HS6ST3: variants seen among roughly 807,000 people sequenced by gnomAD.
The protein encoded by HS6ST3 is heparan sulfate 6-O-sulfotransferase 3, also known as heparan-sulfate 6-O-sulfotransferase 3.
In HS6ST3, 12 loss-of-function variants were observed where a neutral mutation model predicts 36.7. The observed-to-expected ratio is 0.33, with a 90% CI of 0.21 to 0.53. HS6ST3 has a LOEUF of 0.53. Among genes scored for constraint, HS6ST3 ranks in the 20% least tolerant of loss-of-function variants. HS6ST3 has a pLI of 0.95. For missense variants in HS6ST3, 584 were observed against 640.9 expected (o/e 0.91, Z 0.96); for synonymous variants, 240 against 257.5 (o/e 0.93, Z 0.65).
At chr13:96,782,824 A>G (rs962345365) in intron 1 of HS6ST3, among the ~76,000 whole-genome samples, 1 of 152,138 alleles carries the variant, frequency 6.6e-6, no homozygotes, top group Non-Finnish European at 1.5e-5. Flanking sequence ...AAAATCACTC[A>G]TTCTGAGTAG....
At position 96,499,721 on chromosome 13, in the gene HS6ST3, C is replaced by T. The variant is rs566911138; in HGVS notation, c.708-332769C>T. Among the ~76,000 whole-genome samples, 14 of 152,106 alleles carry T rather than the reference C, an allele frequency of 9.2e-5. 2 individuals carry two copies. The South Asian group carries it at 2.9e-3, about 32-fold the overall frequency. ...GTGGCATGAGCGTGTGTGACCTGTGCAATGAGGCCCAGGAGGCCAGTGTGG... is the reference window on the plus strand; with the variant it reads ...GTGGCATGAGCGTGTGTGACCTGTGTAATGAGGCCCAGGAGGCCAGTGTGG... On this transcript the variant is annotated intron_variant, in intron 1 of 1. Transcript: ENST00000376705.
intron 1 of HS6ST3, among the ~76,000 whole-genome samples, chr13:96,113,365 A>C (rs535812): frequency 0.29 from 43,363 of 151,964 alleles, 7,160 homozygotes; most frequent in Non-Finnish European, 0.37. Context: ...CCTGCCCCCC[A>C]TTAACAGATT....
chr13:96,206,077 C>T (rs1331621075), intron 1 of HS6ST3, among the ~76,000 whole-genome samples: 1 of 152,066 alleles, frequency 6.6e-6, no homozygotes, highest in Non-Finnish European at 1.5e-5. Flanking sequence ...TCATCTCAGC[C>T]CAAAAGCTTC....
chr13:96,682,129 C>A (rs982633403), intron 1 of HS6ST3, among the ~76,000 whole-genome samples: 1 of 152,050 alleles, frequency 6.6e-6, no homozygotes, highest in African/African-American at 2.4e-5. Flanking sequence ...TTTCTTCTCT[C>A]AAATATTAAC....
intron 1 of HS6ST3, among the ~76,000 whole-genome samples, chr13:96,707,642 G>C (rs968991096): frequency 6.6e-6 from 1 of 152,192 alleles, no homozygotes; most frequent in East Asian, 1.9e-4. Context: ...TGCATATTGA[G>C]TGTGCTTCCT....
At chr13:96,337,354 C>T (rs556452563) in intron 1 of HS6ST3, among the ~76,000 whole-genome samples, 1 of 152,194 alleles carries the variant, frequency 6.6e-6, no homozygotes, top group African/African-American at 2.4e-5. Flanking sequence ...GGATTACAGG[C>T]GTGAGCCACC....
chr13:96,383,547 CACACCTGGTG>C (rs961195305), intron 1 of HS6ST3, among the ~76,000 whole-genome samples: 1 of 152,136 alleles, frequency 6.6e-6, no homozygotes, highest in Admixed American at 6.5e-5. Context: ...AACAATGAAC[CACACCTGGTG>C]ACAGAAGCTG....
At chr13:96,293,517 A>G (rs2054840156) in intron 1 of HS6ST3, among the ~76,000 whole-genome samples, 1 of 152,154 alleles carries the variant, frequency 6.6e-6, no homozygotes, top group African/African-American at 2.4e-5. Flanking sequence ...TTGTATGTAC[A>G]TAAACTCACA....
At chr13:96,585,318 A>G (rs1265320704) in intron 1 of HS6ST3, among the ~76,000 whole-genome samples, 5 of 152,328 alleles carry the variant, frequency 3.3e-5, no homozygotes, top group East Asian at 1.9e-4. Flanking sequence ...TTCACAAATC[A>G]TAAGTATGCA....
chr13:96,303,880 C>T (rs182642954), intron 1 of HS6ST3, among the ~76,000 whole-genome samples: 20 of 152,176 alleles, frequency 1.3e-4, no homozygotes, highest in African/African-American at 2.4e-5. Flanking sequence ...CAGTGGCTCA[C>T]GCCTGTAATC....
At chr13:96,549,767 C>T (rs1241841438) in intron 1 of HS6ST3, among the ~76,000 whole-genome samples, 1 of 152,038 alleles carries the variant, frequency 6.6e-6, no homozygotes, top group East Asian at 1.9e-4. Context: ...TTTGAGCTTG[C>T]CATATTTCCA....
intron 1 of HS6ST3, among the ~76,000 whole-genome samples, chr13:96,405,452 C>G (rs535991102): frequency 6.6e-6 from 1 of 152,240 alleles, no homozygotes; most frequent in South Asian, 2.1e-4. Flanking sequence ...AGGTCCTTAT[C>G]TGTTCATTTT....
intron 1 of HS6ST3, among the ~76,000 whole-genome samples, chr13:96,484,681 C>G (rs2055905619): frequency 6.6e-6 from 1 of 152,092 alleles, no homozygotes; most frequent in South Asian, 2.1e-4. Flanking sequence ...GCAGGATTTC[C>G]TTTTTCTTAA....
chr13:96,154,242 T>G (rs1224254899), intron 1 of HS6ST3, among the ~76,000 whole-genome samples: 2 of 152,080 alleles, frequency 1.3e-5, no homozygotes, highest in Non-Finnish European at 2.9e-5. Flanking sequence ...ATTGAACTGT[T>G]TCAACAGTGC....
At chr13:96,266,506 T>G (rs1594737497) in intron 1 of HS6ST3, among the ~76,000 whole-genome samples, 1 of 152,172 alleles carries the variant, frequency 6.6e-6, no homozygotes, top group East Asian at 1.9e-4. Context: ...AAGTAAAATT[T>G]TACATTATTC....
chr13:96,681,153 T>C (rs1488851058), intron 1 of HS6ST3, among the ~76,000 whole-genome samples: 1 of 152,204 alleles, frequency 6.6e-6, no homozygotes, highest in Non-Finnish European at 1.5e-5. Context: ...ATCATGTTAA[T>C]TTTGTTTGCA....
Position 96,540,336 on chromosome 13 carries a change from A to G in HS6ST3, c.708-292154A>G, listed in dbSNP as rs536124906. Reference sequence around the variant, plus strand: ...TAAATGCCCATTCTAAGGTTTTTACAGCACTCAGGTATAAAACTTAATTAA... The same window carrying G: ...TAAATGCCCATTCTAAGGTTTTTACGGCACTCAGGTATAAAACTTAATTAA... On this transcript the variant is annotated intron_variant, in intron 1 of 1. Coordinates refer to ENST00000376705, the MANE Select transcript of HS6ST3 (RefSeq NM_153456.4). Among the ~76,000 whole-genome samples the G allele has an allele frequency of 3.3e-4, 51 of 152,334 alleles. No homozygotes were observed. The South Asian group carries it at 9.5e-3, about 28-fold the overall frequency.
chr13:96,243,911 G>A (rs946524934), intron 1 of HS6ST3, among the ~76,000 whole-genome samples: 1 of 151,294 alleles, frequency 6.6e-6, no homozygotes, highest in Admixed American at 6.6e-5. Flanking sequence ...GGTGGGGTGT[G>A]GAAAGGGGGG....
At chr13:96,791,941 A>G (rs1877802019) in intron 1 of HS6ST3, among the ~76,000 whole-genome samples, 1 of 152,078 alleles carries the variant, frequency 6.6e-6, no homozygotes, top group Non-Finnish European at 1.5e-5. Flanking sequence ...TAAATAGTAT[A>G]CACACAAATG....
Sources: allele counts gnomAD v4.1 joint callset (sites outside exome capture counted in the v4.1 genomes callset), GRCh38; gene constraint gnomAD v4.1.1; transcripts MANE v1.5; gene names NCBI Gene and HGNC (gene_info 2026-07-23, HGNC 2026-07-21).